Variants in GRM7 observed in about 807,000 individuals in gnomAD.
GRM7 encodes the protein glutamate metabotropic receptor 7, also known as metabotropic glutamate receptor 7.
A neutral mutation model predicts 84.5 loss-of-function variants in GRM7; 35 were observed. The ratio of observed to expected loss-of-function variants is 0.41; its 90% CI spans 0.32 to 0.55. GRM7 has a LOEUF of 0.55. GRM7 is among the 20% of genes least tolerant of loss of function. GRM7 has a pLI of 0.19. For missense variants in GRM7, 1,003 were observed against 1,194.6 expected, an observed-to-expected ratio of 0.84 and a Z score of 2.36; for synonymous variants, 487 against 455.1, an observed-to-expected ratio of 1.07 and a Z score of -0.89.
At chr3:7,190,642 G>A (rs533051070) in intron 2 of GRM7, among the ~76,000 whole-genome samples, 1 of 152,116 alleles carries the variant, frequency 6.6e-6, no homozygotes, top group East Asian at 1.9e-4. Flanking sequence ...GGTTCTAGGG[G>A]CCATCATTTT....
intron 4 of GRM7, among the ~76,000 whole-genome samples, chr3:7,353,225 A>C (rs1005626113): frequency 6.6e-6 from 1 of 152,110 alleles, no homozygotes; most frequent in Non-Finnish European, 1.5e-5. Context: ...AGAGTGACTC[A>C]TGAGGAAGTA....
At chr3:7,435,924 C>G (rs9754616) in intron 5 of GRM7, among the ~76,000 whole-genome samples, 84,822 of 145,042 alleles carry the variant, frequency 0.58, 25,177 homozygotes, top group African/African-American at 0.68. Flanking sequence ...GGATGGTCTC[C>G]ATCTCCTGAC....
At chr3:6,989,998 A>C (rs1305443251) in intron 1 of GRM7, among the ~76,000 whole-genome samples, 3 of 152,116 alleles carry the variant, frequency 2.0e-5, no homozygotes, top group Non-Finnish European at 4.4e-5. Context: ...TGATTTTGTG[A>C]CTTTCAAGAA....
intron 8 of GRM7, among the ~76,000 whole-genome samples, chr3:7,599,904 T>G (rs976185167): frequency 6.6e-6 from 1 of 152,108 alleles, no homozygotes; most frequent in Admixed American, 6.6e-5. Flanking sequence ...ATTGAGGCCC[T>G]TTGAAAGATG....
At position 7,195,998 on chromosome 3, in the gene GRM7, C is replaced by G. The variant is rs187272091; in HGVS notation, c.736+49330C>G. 2.4e-4 allele frequency among the ~76,000 whole-genome samples: 37 copies of G among 152,076 alleles called. No individual in the cohort carries two copies. In the East Asian group the frequency reaches 6.6e-3, roughly 27 times the overall value. On this transcript the variant is annotated intron_variant, in intron 2 of 9. Transcript: ENST00000357716. ...TTGTATATCTATGACTATCTCTTATCTAGCTAGTTAGTTAACTATCTACCT... is the reference window on the plus strand; with the variant it reads ...TTGTATATCTATGACTATCTCTTATGTAGCTAGTTAGTTAACTATCTACCT...
chr3:7,051,747 G>A (rs1040848948), intron 1 of GRM7, among the ~76,000 whole-genome samples: 1 of 151,702 alleles, frequency 6.6e-6, no homozygotes, highest in African/African-American at 2.4e-5. Context: ...AAGTGCAAAA[G>A]ATGTCTTGTA....
intron 7 of GRM7, among the ~76,000 whole-genome samples, chr3:7,497,094 A>AGGTTC (rs1699733244): frequency 6.7e-6 from 1 of 150,372 alleles, no homozygotes; most frequent in Non-Finnish European, 1.5e-5. Context: ...CCATCAGGTT[A>AGGTTC]TTTAGAACTT....
intron 2 of GRM7, among the ~76,000 whole-genome samples, chr3:7,211,907 T>A (rs1696442680): frequency 6.6e-6 from 1 of 152,020 alleles, no homozygotes; most frequent in South Asian, 2.1e-4. Context: ...CGACTTGGTG[T>A]TCTTCAGTCA....
At chr3:7,589,356 T>C (rs1047612085) in intron 8 of GRM7, among the ~76,000 whole-genome samples, 1 of 152,336 alleles carries the variant, frequency 6.6e-6, no homozygotes, top group Admixed American at 6.5e-5. Flanking sequence ...GCTGATCTTT[T>C]TTTCCCAAAT....
chr3:6,981,685 A>T (rs552657859), intron 1 of GRM7, among the ~76,000 whole-genome samples: 1 of 152,230 alleles, frequency 6.6e-6, no homozygotes, highest in South Asian at 2.1e-4. Context: ...TTTCTATTGA[A>T]ATCACTATTT....
intron 2 of GRM7, among the ~76,000 whole-genome samples, chr3:7,242,389 G>A (rs1290879346): frequency 2.0e-5 from 3 of 152,138 alleles, no homozygotes; most frequent in Non-Finnish European, 4.4e-5. Context: ...CCTTTAAATT[G>A]GCAGAGCTGG....
intron 5 of GRM7, among the ~76,000 whole-genome samples, chr3:7,441,052 G>A (rs1697265683): frequency 6.6e-6 from 1 of 152,124 alleles, no homozygotes. Context: ...TCTGTTTTAA[G>A]CTCTTTGAGA....
At chr3:6,997,728 C>T (rs1575112932) in intron 1 of GRM7, among the ~76,000 whole-genome samples, 1 of 152,286 alleles carries the variant, frequency 6.6e-6, no homozygotes, top group East Asian at 1.9e-4. Context: ...ACACACCTTC[C>T]CAACAGTTCC....
chr3:7,016,367 C>T (rs182706588), intron 1 of GRM7, among the ~76,000 whole-genome samples: 2 of 152,252 alleles, frequency 1.3e-5, no homozygotes, highest in Non-Finnish European at 2.9e-5. Context: ...AGTTTGAAAT[C>T]CGTCTTTCCC....
chr3:7,113,904 T>C (rs1218823687), intron 1 of GRM7, among the ~76,000 whole-genome samples: 2 of 152,160 alleles, frequency 1.3e-5, no homozygotes, highest in African/African-American at 2.4e-5. Context: ...TTATTTTTAG[T>C]GGTAACATCT....
chr3:7,633,268 G>A (rs1697935889), intron 8 of GRM7, among the ~76,000 whole-genome samples: 1 of 152,206 alleles, frequency 6.6e-6, no homozygotes, highest in South Asian at 2.1e-4. Flanking sequence ...AACTAGTCAT[G>A]ATACTAACTC....
intron 3 of GRM7, among the ~76,000 whole-genome samples, chr3:7,304,814 T>G (rs560922769): frequency 9.2e-5 from 14 of 152,210 alleles, no homozygotes; most frequent in Non-Finnish European, 1.6e-4. Context: ...TTATTTTGTT[T>G]TTTTTCCCAT....
chr3:7,022,676 C>CT (rs1400628091), intron 1 of GRM7, among the ~76,000 whole-genome samples: 7 of 151,130 alleles, frequency 4.6e-5, no homozygotes, highest in Admixed American at 1.3e-4. Flanking sequence ...TAATTTTTAA[C>CT]TTTTTTTTTG....
chr3:7,450,488 A>AGGCT (rs1264895235), intron 5 of GRM7, among the ~76,000 whole-genome samples: 2 of 152,202 alleles, frequency 1.3e-5, no homozygotes. Flanking sequence ...CATATGCAGA[A>AGGCT]GGCTGTTCTA....
Sources: allele counts gnomAD v4.1 joint callset (sites outside exome capture counted in the v4.1 genomes callset), GRCh38; gene constraint gnomAD v4.1.1; transcripts MANE v1.5; gene names NCBI Gene and HGNC (gene_info 2026-07-23, HGNC 2026-07-21).